The following AP3D1 variants were observed in gnomAD, a reference collection of about 807,000 sequenced individuals.
AP3D1 encodes the protein adaptor related protein complex 3 subunit delta 1, also known as AP-3 complex subunit delta-1.
A neutral mutation model predicts 147.6 loss-of-function variants in AP3D1; 51 were observed. That is an observed-to-expected ratio of 0.35 (90% CI 0.28 to 0.44). The LOEUF (loss-of-function observed/expected upper bound fraction) is 0.44, where lower values mean the gene tolerates loss of function less well. Among genes scored for constraint, AP3D1 ranks in the 20% least tolerant of loss-of-function variants. The pLI, the probability that AP3D1 is intolerant of heterozygous loss-of-function variation, is 1.00. For missense variants in AP3D1, 1,421 were observed against 1,624.2 expected, an observed-to-expected ratio of 0.87 and a Z score of 2.15; for synonymous variants, 760 against 663.0, an observed-to-expected ratio of 1.15 and a Z score of -2.25.
chr19:2,159,877 C>CGGCTAATT (rs1427960619), intron 1 of AP3D1, among the ~76,000 whole-genome samples: 2 of 151,336 alleles, frequency 1.3e-5, no homozygotes, highest in East Asian at 3.9e-4. Flanking sequence ...CCAACATGCC[C>CGGCTAATT]GGCTAATTTT....
At chr19:2,121,638 G>T in intron 12 of AP3D1, 96 bp downstream of exon 12, 2 of 1,456,224 alleles carry the variant, frequency 1.4e-6, no homozygotes, top group East Asian at 2.4e-5. Context: ...CGAGTGTGAG[G>T]GGACTCCATG....
chr19:2,115,125 G>A (rs527837380), intron 20 of AP3D1, 94 bp downstream of exon 20: 22 of 1,339,986 alleles, frequency 1.6e-5, no homozygotes, highest in South Asian at 6.7e-5. Context: ...AGCCACCAAC[G>A]AAGACCATGG....
chr19:2,140,755 CTTTTTTTTT>C (rs71176516), intron 1 of AP3D1, among the ~76,000 whole-genome samples: 5,952 of 107,240 alleles, frequency 0.056, 205 homozygotes, highest in East Asian at 0.18. Context: ...ACACAAACGT[CTTTTTTTTT>C]TTTTTTTTTT....
Position 2,111,845 on chromosome 19 carries a change from G to A in AP3D1, c.2788-17C>T, listed in dbSNP as rs759749911. ...GGGAGATTTCTGGAGCAAGAGGAGG[G>A]TCGGGTTCAGTGCCCAGGCTGCTCC... On this transcript the variant is annotated splice_polypyrimidine_tract_variant and intron_variant, in intron 24 of 31. Transcript: ENST00000643116. 49 of 1,612,818 alleles carry A rather than the reference G, an allele frequency of 3.0e-5. No homozygotes were observed. The South Asian group carries it at 3.5e-4, about 12-fold the overall frequency.
intron 1 of AP3D1, among the ~76,000 whole-genome samples, chr19:2,157,083 C>A (rs1053000697): frequency 4.0e-5 from 6 of 151,166 alleles, no homozygotes; most frequent in African/African-American, 9.7e-5. Flanking sequence ...ATCCATCTAT[C>A]GATCTATCCA....
chr19:2,132,696 C>T (rs2018982632), intron 4 of AP3D1, 118 bp from the exon 5 acceptor site: 2 of 760,554 alleles, frequency 2.6e-6, no homozygotes, highest in Non-Finnish European at 4.4e-6. Context: ...CTCGGCATAT[C>T]CTCTTGGGGT....
rs1217141251 is a variant in AP3D1 at position 2,151,246 on chromosome 19, T to C, written c.89A>G (p.Glu30Gly). The change falls in exon 1 of 32, where the codon GAG (glutamate) becomes GGG (glycine). Residue 30 changes from glutamate (E) to glycine (G), a missense_variant. Coordinates refer to ENST00000643116, the MANE Select transcript of AP3D1 (RefSeq NM_001261826.3). ...DLVRGIRNHK[E>G]DEAKYISQCI... ...TTGGCGCGCCGGGCTCACCTCGTCC[T>C]CCTTGTGGTTACGGATGCCGCGGAC... The C allele has an allele frequency of 6.2e-7, 1 of 1,610,826 alleles. No homozygotes were observed. Among genetic ancestry groups the C allele is most frequent in the Admixed American group, 1.7e-5 (1 of 59,842 alleles).
At chr19:2,138,457 T>C (rs999739804) in intron 2 of AP3D1, among the ~76,000 whole-genome samples, 162 bp downstream of exon 2, 7 of 152,204 alleles carry the variant, frequency 4.6e-5, no homozygotes, top group Admixed American at 2.6e-4. Context: ...GTGACCAACA[T>C]GGCTTTCTGC....
Position 2,134,762 on chromosome 19 carries a change from C to T in AP3D1, c.355-2184G>A, listed in dbSNP as rs550548605. Among the ~76,000 whole-genome samples the T allele has an allele frequency of 3.3e-5, 5 of 151,700 alleles. No individual in the cohort carries two copies. The South Asian group carries it at 6.3e-4, about 19-fold the overall frequency. On this transcript the variant is annotated intron_variant, in intron 4 of 31. Transcript: ENST00000643116. ...GATTATAGGCACGCACCACCACGCC[C>T]GGCTAATTTTGTATTTTTAGTACAG...
chr19:2,112,683 A>G (rs1174215282), intron 24 of AP3D1, 177 bp downstream of exon 24: 3 of 561,706 alleles, frequency 5.3e-6, no homozygotes, highest in East Asian at 3.0e-5. Context: ...TGTGAATAAG[A>G]AGGTTATTAA....
chr19:2,139,788 G>A, intron 1 of AP3D1, among the ~76,000 whole-genome samples: 1 of 152,190 alleles, frequency 6.6e-6, no homozygotes, highest in East Asian at 1.9e-4. Context: ...CTCCTGCTGT[G>A]CCCACCAGAG....
chr19:2,136,959 G>C, intron 4 of AP3D1, 52 bp downstream of exon 4: 1 of 1,506,396 alleles, frequency 6.6e-7, no homozygotes. Flanking sequence ...AGACGCTCCG[G>C]CAAGGGCAGA....
At chr19:2,147,832 C>G (rs369752589) in intron 1 of AP3D1, among the ~76,000 whole-genome samples, 6 of 150,620 alleles carry the variant, frequency 4.0e-5, no homozygotes, top group East Asian at 3.9e-4. Flanking sequence ...TTGCAGTGAG[C>G]CGAGATCGTG....
chr19:2,104,535 C>A (rs1189507009), intron 31 of AP3D1, among the ~76,000 whole-genome samples: 3 of 151,426 alleles, frequency 2.0e-5, no homozygotes, highest in African/African-American at 4.9e-5. Flanking sequence ...CACCAACACC[C>A]AGACCCCAAC....
Position 2,109,903 on chromosome 19 carries a change from C to G in AP3D1, c.3320G>C (p.Ser1107Thr), listed in dbSNP as rs776862182. 2 of 1,613,682 alleles carry G rather than the reference C, an allele frequency of 1.2e-6. No individual in the cohort carries two copies. The highest frequency in any genetic ancestry group is 2.2e-5 in the East Asian group (1 of 44,846). Residue 1107 changes from serine to threonine, a missense_variant, in exon 29 of 32, where the codon AGC becomes ACC. This residue lies in a region of AP3D1 where 791 missense variants were observed against 761.4 expected (regional missense o/e 1.04). Coordinates refer to ENST00000643116, the MANE Select transcript of AP3D1 (RefSeq NM_001261826.3). ...GCAGGGAGTGGTGATCAAGTAGGAG[C>G]TGCAGCTGAAGTGCAGCCTGAAGTC... ...KLDFRLHFSCSSYLITTPCYS... is the reference protein window; with the variant it reads ...KLDFRLHFSCTSYLITTPCYS...
chr19:2,124,528 A>C (rs970996128), intron 9 of AP3D1, among the ~76,000 whole-genome samples: 3 of 152,140 alleles, frequency 2.0e-5, no homozygotes, highest in African/African-American at 4.8e-5. Context: ...CTCATTTTCC[A>C]CCAAGCCAGT....
chr19:2,151,129 C>T (rs2019497204), intron 1 of AP3D1, 110 bp downstream of exon 1: 2 of 1,106,306 alleles, frequency 1.8e-6, no homozygotes, highest in Non-Finnish European at 2.5e-6. Context: ...GGACCTCCAA[C>T]TAAGACAGAG....
chr19:2,153,791 G>A (rs1291103006), upstream of AP3D1, among the ~76,000 whole-genome samples: 1 of 152,184 alleles, frequency 6.6e-6, no homozygotes, highest in African/African-American at 2.4e-5. Context: ...TAGAATATGT[G>A]TGCGTTAGCA....
At chr19:2,147,282 T>G (rs1353454107) in intron 1 of AP3D1, among the ~76,000 whole-genome samples, 1 of 148,342 alleles carries the variant, frequency 6.7e-6, no homozygotes, top group Non-Finnish European at 1.5e-5. Context: ...GAGGCGGAGG[T>G]TGCGGTGAGC....
Sources: allele counts gnomAD v4.1 joint callset (sites outside exome capture counted in the v4.1 genomes callset), GRCh38; gene constraint gnomAD v4.1.1; regional missense constraint gnomAD v4.1.1; transcripts MANE v1.5; gene names NCBI Gene and HGNC (gene_info 2026-07-23, HGNC 2026-07-21).